The following PMEPA1 variants were observed in gnomAD, a reference collection of about 807,000 sequenced individuals.
PMEPA1 encodes the protein prostate transmembrane protein, androgen induced 1, also known as protein TMEPAI.
Under a neutral mutation model 23.0 loss-of-function variants are expected in PMEPA1, and 11 were observed. The ratio of observed to expected loss-of-function variants is 0.48; its 90% CI spans 0.30 to 0.79. The LOEUF is 0.79. Ranked by LOEUF, PMEPA1 falls within the 30% of genes least tolerant of loss-of-function variation. PMEPA1 has a pLI of 0.06. For synonymous variants in PMEPA1, 204 were observed against 166.4 expected (o/e 1.23, Z -1.74); for missense variants, 377 against 390.9 (o/e 0.96, Z 0.30).
chr20:57,674,267 C>A (rs1457423214), intron 1 of PMEPA1, among the ~76,000 whole-genome samples: 1 of 152,192 alleles, frequency 6.6e-6, no homozygotes, highest in Non-Finnish European at 1.5e-5. Flanking sequence ...ATTCTCTCCC[C>A]CCTCCTTCCA....
At chr20:57,699,853 A>T (rs1486228248) in intron 1 of PMEPA1, among the ~76,000 whole-genome samples, 2 of 152,198 alleles carry the variant, frequency 1.3e-5, no homozygotes, top group Non-Finnish European at 2.9e-5. Flanking sequence ...GGGAGGTGGG[A>T]TGTCCGTGGT....
In PMEPA1 at chr20:57,704,618, G is replaced by A. The variant is rs58686852; in HGVS notation, c.109+4856C>T. ...GAGGTGCCTGCAAACTTGGTCTCTGGATGCTAACACCTGAAGAGAGAAGGC... is the reference window on the plus strand; with the variant it reads ...GAGGTGCCTGCAAACTTGGTCTCTGAATGCTAACACCTGAAGAGAGAAGGC... On this transcript the variant is annotated intron_variant, in intron 1 of 3. Coordinates refer to ENST00000341744, the MANE Select transcript of PMEPA1 (RefSeq NM_020182.5). The surrounding 1 kb of genome is among the most constrained non-coding windows in gnomAD (Gnocchi z 4.6). 0.016 allele frequency among the ~76,000 whole-genome samples: 2,369 copies of A among 152,306 alleles called. 52 individuals carry two copies. The highest frequency in any genetic ancestry group is 0.054 in the African/African-American group (2,253 of 41,558).
At chr20:57,673,334 C>T (rs1269255571) in intron 1 of PMEPA1, among the ~76,000 whole-genome samples, 1 of 152,180 alleles carries the variant, frequency 6.6e-6, no homozygotes, top group Non-Finnish European at 1.5e-5. Context: ...GTTTTAAACT[C>T]TCCCATGTGG....
At chr20:57,659,155 G>C (rs1476955363) in intron 2 of PMEPA1, among the ~76,000 whole-genome samples, 1 of 144,458 alleles carries the variant, frequency 6.9e-6, no homozygotes, top group Non-Finnish European at 1.5e-5. Context: ...CCTGCATGGC[G>C]CTATCACCAC....
At chr20:57,694,423 T>G (rs1176840833) in intron 1 of PMEPA1, among the ~76,000 whole-genome samples, 1 of 152,254 alleles carries the variant, frequency 6.6e-6, no homozygotes, top group African/African-American at 2.4e-5. Context: ...CTTGTTATAT[T>G]TTTCCTAACA....
intron 1 of PMEPA1, among the ~76,000 whole-genome samples, chr20:57,701,336 A>G (rs542739640): frequency 6.6e-6 from 1 of 152,186 alleles, no homozygotes; most frequent in South Asian, 2.1e-4. Context: ...GAGGACAATA[A>G]CCCCAAAACA....
chr20:57,650,715 C>T lies in PMEPA1; in HGVS notation c.*1338G>A, dbSNP rs985360083. 2 of 152,250 alleles carry T rather than the reference C, an allele frequency of 1.3e-5. No homozygotes were observed. Among genetic ancestry groups the T allele is most frequent in the Non-Finnish European group, 2.9e-5 (2 of 68,060 alleles). The allele number at this position is 152,250 out of a possible 1,614,324, so 9.4% of individuals were successfully genotyped here. On this transcript the variant is annotated 3_prime_UTR_variant, in exon 4 of 4. Transcript: ENST00000341744. ...GCTCAACTGCTTTACTCATTTTAAC[C>T]CTTTCACCTATCCTGGGAGAAACCC... is the stretch of plus-strand genomic sequence containing the variant.
chr20:57,664,474 G>A (rs1279191278), intron 1 of PMEPA1, among the ~76,000 whole-genome samples: 2 of 152,222 alleles, frequency 1.3e-5, no homozygotes, highest in Admixed American at 1.3e-4. Flanking sequence ...AGGCCTTGGA[G>A]TCAAGTTCAA....
chr20:57,690,280 C>A (rs1051546451), intron 1 of PMEPA1: 2 of 531,256 alleles, frequency 3.8e-6, no homozygotes, highest in African/African-American at 2.0e-5. Context: ...GGGGCACAGA[C>A]CACCCGGGGG....
intron 1 of PMEPA1, among the ~76,000 whole-genome samples, chr20:57,699,689 A>T (rs2071985664): frequency 6.6e-6 from 1 of 152,186 alleles, no homozygotes; most frequent in Admixed American, 6.5e-5. Flanking sequence ...AGCAGTTTGC[A>T]TTGCTCAAAA....
rs1382873625 is a variant in PMEPA1, at chr20:57,683,079, G to A, written c.110-23382C>T. Among the ~76,000 whole-genome samples the A allele has an allele frequency of 6.6e-6, 1 of 152,186 alleles. No individual in the cohort carries two copies. Among genetic ancestry groups the A allele is most frequent in the Non-Finnish European group, 1.5e-5 (1 of 68,040 alleles). On this transcript the variant is annotated intron_variant, in intron 1 of 3. Transcript: ENST00000341744. The surrounding 1 kb of genome is among the most constrained non-coding windows in gnomAD (Gnocchi z 4.3). The stretch of plus-strand genomic sequence containing the variant: ...CATCTCTCACGCCGCAGTCTCCGGG[G>A]GCATTTACGCCACACTTGTCCTTAA...
rs1468008140 is a variant in PMEPA1, at chr20:57,651,498, CAAGGT to C, written c.*550_*554del. 6.6e-6 allele frequency: 1 copy of C among 152,520 alleles called. No homozygotes were observed. Among genetic ancestry groups the C allele is most frequent in the African/African-American group, 2.4e-5 (1 of 41,394 alleles). 9.4% of individuals were successfully genotyped at this position (152,520 alleles called of 1,614,324 possible). ...CCCTGCTTTGTAATTTTTTTCTTTA[CAAGGT>C]AATACACACTTTCTGACTTGGCACT... On this transcript the variant is annotated 3_prime_UTR_variant, in exon 4 of 4. Coordinates refer to ENST00000341744, the MANE Select transcript of PMEPA1 (RefSeq NM_020182.5).
Position 57,695,739 on chromosome 20 carries a change from C to G in PMEPA1, c.109+13735G>C, listed in dbSNP as rs537955141. On this transcript the variant is annotated intron_variant, in intron 1 of 3. Coordinates refer to ENST00000341744, the MANE Select transcript of PMEPA1 (RefSeq NM_020182.5). ...AAGTGGCCTGAGTTTCCTCCTCCCC[C>G]TCACCAGACCTCAACTTACCCATCT... 2.6e-5 allele frequency among the ~76,000 whole-genome samples: 4 copies of G among 152,356 alleles called. No individual in the cohort carries two copies. The South Asian group carries it at 6.2e-4, about 24-fold the overall frequency.
Position 57,709,851 on chromosome 20 carries a change from G to T in PMEPA1, c.-269C>A. On this transcript the variant is annotated 5_prime_UTR_variant, in exon 1 of 4. Coordinates refer to ENST00000341744, the MANE Select transcript of PMEPA1 (RefSeq NM_020182.5). ...GCGGGTGGCGTCCGGAAAATGGGCT[G>T]GCAGCGGGGCGCGCGCTGCCGCCGG... The T allele has an allele frequency of 1.0e-6, 1 of 987,754 alleles. No individual in the cohort carries two copies. Among genetic ancestry groups the T allele is most frequent in the East Asian group, 1.1e-4 (1 of 8,838 alleles). 61.2% of individuals were successfully genotyped at this position (987,754 alleles called of 1,614,324 possible).
At chr20:57,710,408 C>A, upstream of PMEPA1, 1 of 1,587,338 alleles carries the variant, frequency 6.3e-7, no homozygotes, top group Non-Finnish European at 8.6e-7. Context: ...TCCCTGGGGG[C>A]TCAGGGAAGA....
In PMEPA1 at chr20:57,673,800, G is replaced by A. The variant is rs567600159; in HGVS notation, c.110-14103C>T. 2.8e-4 allele frequency among the ~76,000 whole-genome samples: 43 copies of A among 152,286 alleles called. No homozygotes were observed. The Middle Eastern group carries it at 0.017, about 60-fold the overall frequency. On this transcript the variant is annotated intron_variant, in intron 1 of 3. Transcript: ENST00000341744. The stretch of plus-strand genomic sequence containing the variant: ...CCTCCAGAGCAGTACAGAGGCTCAC[G>A]GTGTGAACCTGGATGTGGCACACAC...
chr20:57,672,971 T>C (rs995840053), intron 1 of PMEPA1, among the ~76,000 whole-genome samples: 3 of 151,982 alleles, frequency 2.0e-5, no homozygotes, highest in Non-Finnish European at 2.9e-5. Context: ...TGCAGTGGAG[T>C]GAAGAGCCAT....
intron 1 of PMEPA1, among the ~76,000 whole-genome samples, chr20:57,684,533 C>T (rs1011378090): frequency 2.0e-5 from 3 of 152,144 alleles, no homozygotes; most frequent in African/African-American, 4.8e-5. Context: ...GCTGGCAGGA[C>T]GATGCCTATT....
At chr20:57,685,194 GCAGT>G (rs1257791768) in intron 1 of PMEPA1, among the ~76,000 whole-genome samples, 1 of 151,984 alleles carries the variant, frequency 6.6e-6, no homozygotes, top group African/African-American at 2.4e-5. Flanking sequence ...GCTGCAAGCC[GCAGT>G]CACTCTCCTC....
Sources: gnomAD v4.1 joint callset for allele counts (sites outside exome capture counted in the v4.1 genomes callset) on GRCh38, gnomAD v4.1.1 for gene constraint, Gnocchi (gnomAD v3.1) non-coding constraint, MANE v1.5 for transcripts, NCBI Gene and HGNC (gene_info 2026-07-23, HGNC 2026-07-21) for gene names.